Variants in POMT1 observed in about 807,000 individuals in gnomAD.
POMT1 encodes the protein protein O-mannosyl-transferase 1.
In POMT1, 85 loss-of-function variants were observed where a neutral mutation model predicts 101.6. That is an observed-to-expected ratio of 0.84 (90% CI 0.70 to 1.00). The LOEUF (loss-of-function observed/expected upper bound fraction) is 1.00, where lower values mean the gene tolerates loss of function less well. Ranked by LOEUF, POMT1 falls within the 50% of genes least tolerant of loss-of-function variation. The probability of loss-of-function intolerance (pLI) is 0.00; values close to 1 mark genes in which losing one functional copy is unlikely to be tolerated. For missense variants in POMT1, 857 were observed against 930.4 expected, an observed-to-expected ratio of 0.92 and a Z score of 1.03; for synonymous variants, 371 against 383.0, an observed-to-expected ratio of 0.97 and a Z score of 0.37.
Position 131,518,521 on chromosome 9 carries a change from C to A in POMT1, c.1349C>A (p.Thr450Asn), listed in dbSNP as rs757785909. The A allele has an allele frequency of 2.5e-6, 4 of 1,613,574 alleles. No individual in the cohort carries two copies. Among genetic ancestry groups the A allele is most frequent in the Non-Finnish European group, 3.4e-6 (4 of 1,179,698 alleles). Residue 450 changes from threonine (T) to asparagine (N), a missense_variant, in exon 14 of 20, where the codon ACT (threonine) becomes AAT (asparagine). Transcript: ENST00000402686. ...LSEVRFVHVN[T>N]SAVLKLSGAH... is the part of the protein sequence containing the mutation. ...GAGGTCCGCTTTGTGCACGTGAACA[C>A]TTCCGCTGTCTTAAAGGTAAGGACA... is the stretch of plus-strand genomic sequence containing the variant.
rs1170758813 is a variant in POMT1 at position 131,502,923 on chromosome 9, G to GC, written c.-177dup. On this transcript the variant is annotated 5_prime_UTR_variant, in exon 1 of 20. Coordinates refer to ENST00000402686, the MANE Select transcript of POMT1 (RefSeq NM_001077365.2). The stretch of plus-strand genomic sequence containing the variant: ...GCGCACGCGCGCTGCTGCCCGTCTG[G>GC]CCCCGCAGGCTCGGTGAATCGAACG... 3.9e-5 allele frequency: 6 copies of GC among 152,232 alleles called. No homozygotes were observed. Among genetic ancestry groups the GC allele is most frequent in the Admixed American group, 2.6e-4 (4 of 15,292 alleles). The allele number at this position is 152,232 out of a possible 1,614,324, so 9.4% of individuals were successfully genotyped here. A position where few individuals can be genotyped will look rare whatever the true frequency, so the allele number is the denominator to read the frequency against.
chr9:131,507,465 C>G lies in POMT1; in HGVS notation c.378C>G (p.Leu126=). The G allele has an allele frequency of 6.2e-7, 1 of 1,614,158 alleles. No homozygotes were observed. The highest frequency in any genetic ancestry group is 8.5e-7 in the Non-Finnish European group (1 of 1,180,036). The change falls in exon 5 of 20, where the codon CTC becomes CTG. Residue 126 remains leucine, a synonymous_variant. Coordinates refer to ENST00000402686, the MANE Select transcript of POMT1 (RefSeq NM_001077365.2). ...VPMAYQIVLE[L]HFSHCAAMGA... ...TGGCCTACCAGATAGTGTTGGAGCT[C>G]CACTTTTCTCATTGTGCCGCCATGG...
In POMT1 at chr9:131,522,913, G is replaced by A. The variant is rs757031997; in HGVS notation, c.2004-19G>A. On this transcript the variant is annotated intron_variant, in intron 19 of 19. Transcript: ENST00000402686. This position sits in a 1 kb window ranked among gnomAD's most constrained non-coding sequence, Gnocchi z 5.5. ...GCAGTGGTCAGCCACCCTCCCCCAC[G>A]CTGCTCTGACCTCTGCAGGTCCCAG... is the stretch of plus-strand genomic sequence containing the variant. 17 of 1,571,218 alleles carry A rather than the reference G, an allele frequency of 1.1e-5. No homozygotes were observed. The highest frequency in any genetic ancestry group is 1.3e-5 in the African/African-American group (1 of 74,160).
At chr9:131,516,692 C>CT (rs943025799) in intron 13 of POMT1, 1 of 152,440 alleles carries the variant, frequency 6.6e-6, no homozygotes, top group African/African-American at 2.4e-5. Flanking sequence ...ATTCTAAATG[C>CT]TTTGTGTTTG....
chr9:131,504,442 T>A, intron 2 of POMT1, 102 bp downstream of exon 2: 1 of 1,569,844 alleles, frequency 6.4e-7, no homozygotes, highest in Non-Finnish European at 8.7e-7. Context: ...AATCCTGGCT[T>A]CTTGGTGATA....
intron 12 of POMT1, among the ~76,000 whole-genome samples, chr9:131,515,131 C>G (rs147022187): frequency 1.3e-5 from 2 of 152,192 alleles, no homozygotes; most frequent in Admixed American, 6.5e-5. Flanking sequence ...CCTGGGCGCA[C>G]GGTTCCTTCC....
intron 17 of POMT1, among the ~76,000 whole-genome samples, chr9:131,520,827 CTG>C (rs138260753): frequency 5.9e-5 from 9 of 151,326 alleles, no homozygotes; most frequent in Non-Finnish European, 1.0e-4. Context: ...AGCATCAGTG[CTG>C]TGTGTGTGTG....
chr9:131,512,651 G>A (rs1259199882), intron 11 of POMT1, among the ~76,000 whole-genome samples: 8 of 151,910 alleles, frequency 5.3e-5, no homozygotes, highest in Admixed American at 4.6e-4. Context: ...CCACCCTGTT[G>A]CCCAGGCTGG....
At chr9:131,509,299 C>T (rs1564343480) in intron 6 of POMT1, among the ~76,000 whole-genome samples, 5 of 152,140 alleles carry the variant, frequency 3.3e-5, no homozygotes, top group Admixed American at 1.3e-4. Flanking sequence ...TACAGGCACA[C>T]AGCACCATGT....
At chr9:131,511,959 C>A in intron 10 of POMT1, 82 bp from the exon 11 acceptor site, 1 of 1,478,276 alleles carries the variant, frequency 6.8e-7, no homozygotes, top group Non-Finnish European at 9.4e-7. Flanking sequence ...AGTTATCCTA[C>A]CTCAGCCTCC....
chr9:131,512,704 C>T (rs1156580484), intron 11 of POMT1, among the ~76,000 whole-genome samples: 4 of 152,090 alleles, frequency 2.6e-5, no homozygotes, highest in African/African-American at 4.8e-5. Context: ...CTCCGCTTCC[C>T]GGGTTCAAGT....
At chr9:131,520,713 C>T (rs555340672) in intron 17 of POMT1, among the ~76,000 whole-genome samples, 77 of 152,374 alleles carry the variant, frequency 5.1e-4, no homozygotes, top group African/African-American at 1.8e-3. Flanking sequence ...GGCCGCCCCA[C>T]CCCGAGCTCT....
At chr9:131,515,933 AG>A (rs2131777486) in intron 13 of POMT1, among the ~76,000 whole-genome samples, 2 of 93,144 alleles carry the variant, frequency 2.1e-5, no homozygotes, top group Non-Finnish European at 4.4e-5. Context: ...CCTCACAGGG[AG>A]CACTTCCTCA....
rs998597016 is a variant in POMT1, at chr9:131,523,480, C to A, written c.*374C>A. The stretch of plus-strand genomic sequence containing the variant: ...TGCTGCAGGGTGGAGTTTGATCTGG[C>A]AGACCCGATCCTCCTTCATGAACAC... On this transcript the variant is annotated 3_prime_UTR_variant, in exon 20 of 20. Transcript: ENST00000402686. 6.1e-6 allele frequency: 2 copies of A among 326,028 alleles called. No homozygotes were observed. The highest frequency in any genetic ancestry group is 4.3e-5 in the African/African-American group (2 of 46,610). The allele number at this position is 326,028 out of a possible 1,614,324, so 20.2% of individuals were successfully genotyped here. A position where few individuals can be genotyped will look rare whatever the true frequency, so the allele number is the denominator to read the frequency against.
chr9:131,509,715 G>T (rs1194403776), intron 6 of POMT1, 28 bp from the exon 7 acceptor site: 4 of 1,614,088 alleles, frequency 2.5e-6, no homozygotes, highest in Non-Finnish European at 3.4e-6. Flanking sequence ...AACTATTTCT[G>T]TCTCCATCTG....
rs1947282139 is a variant in POMT1, at chr9:131,512,254, CAT to C, written c.1082+119_1082+120del. On this transcript the variant is annotated intron_variant, in intron 11 of 19. Coordinates refer to ENST00000402686, the MANE Select transcript of POMT1 (RefSeq NM_001077365.2). ...CTCCCTCACTGACTCTAGTCACCGT[CAT>C]GGCCTTGAACACCAGCTCAGTGCTG... The C allele has an allele frequency of 7.2e-6, 11 of 1,524,332 alleles. No individual in the cohort carries two copies. The South Asian group carries it at 1.2e-4, about 17-fold the overall frequency. The allele number at this position is 1,524,332 out of a possible 1,614,324, so 94.4% of individuals were successfully genotyped here. A position where few individuals can be genotyped will look rare whatever the true frequency, so the allele number is the denominator to read the frequency against.
At position 131,515,752 on chromosome 9, in the gene POMT1, C is replaced by G. The variant is rs539909494; in HGVS notation, c.1272+230C>G. 1.1e-3 allele frequency among the ~76,000 whole-genome samples: 42 copies of G among 38,322 alleles called. 4 individuals are homozygous for G. In the East Asian group the frequency reaches 0.014, roughly 13 times the overall value. The allele number at this position is 38,322 out of a possible 152,430, so 25.1% of individuals were successfully genotyped here. On this transcript the variant is annotated intron_variant, in intron 13 of 19. Coordinates refer to ENST00000402686, the MANE Select transcript of POMT1 (RefSeq NM_001077365.2). ...TCCTGTAACAGGACACTTCCTCACA[C>G]GGAGCACTTCCTCTAACATGGAGCA...
Position 131,511,334 on chromosome 9 carries a change from CAGGG to C in POMT1, c.857_860del (p.Gly286AspfsTer2). 1 of 1,609,384 alleles carries C rather than the reference CAGGG, an allele frequency of 6.2e-7. No individual in the cohort carries two copies. The highest frequency in any genetic ancestry group is 8.5e-7 in the Non-Finnish European group (1 of 1,176,166). ...ACTCATCAACCTTCTGCTTCTGTCT[CAGGG>C]AGGACTAGCTCGGATCACTCAGGGT... On this transcript the variant is annotated splice_acceptor_variant and coding_sequence_variant, in exon 10 of 20. Transcript: ENST00000402686. LOFTEE classifies it high-confidence loss of function.
intron 12 of POMT1, among the ~76,000 whole-genome samples, chr9:131,513,792 T>G (rs1242806436): frequency 6.6e-6 from 1 of 152,246 alleles, no homozygotes; most frequent in Non-Finnish European, 1.5e-5. Context: ...TGCCTTCCCG[T>G]GGTGCTGGGC....
Sources: allele counts gnomAD v4.1 joint callset (sites outside exome capture counted in the v4.1 genomes callset), GRCh38; gene constraint gnomAD v4.1.1; non-coding constraint Gnocchi (gnomAD v3.1); transcripts MANE v1.5; gene names NCBI Gene and HGNC (gene_info 2026-07-23, HGNC 2026-07-21).